The following AFF3 variants were observed in gnomAD, a reference collection of about 807,000 sequenced individuals.
The protein encoded by AFF3 is AF4/FMR2 family member 3.
In AFF3, 32 loss-of-function variants were observed where a neutral mutation model predicts 129.7. That is an observed-to-expected ratio of 0.25 (90% CI 0.19 to 0.33). AFF3 has a LOEUF of 0.33. Ranked by LOEUF, AFF3 falls within the 10% of genes least tolerant of loss-of-function variation. AFF3 has a pLI of 1.00. For missense variants in AFF3, 1,373 were observed against 1,592.0 expected (o/e 0.86, Z 2.34); for synonymous variants, 644 against 635.4 (o/e 1.01, Z -0.20).
Position 100,119,045 on chromosome 2 carries a change from G to A in AFF3, c.-145+10179C>T, listed in dbSNP as rs576011447. Among the ~76,000 whole-genome samples, 35 of 152,114 alleles carry A rather than the reference G, an allele frequency of 2.3e-4. No individual in the cohort carries two copies. In the East Asian group the frequency reaches 2.3e-3, roughly 10 times the overall value. On this transcript the variant is annotated intron_variant, in intron 2 of 24. Transcript: ENST00000672756. Reference sequence around the variant, plus strand: ...TGAACCCCCTGACCTCAGGTGATCCGCACACCTCGGCCCCCCGAAGTGCTG... The same window carrying A: ...TGAACCCCCTGACCTCAGGTGATCCACACACCTCGGCCCCCCGAAGTGCTG...
intron 7 of AFF3, among the ~76,000 whole-genome samples, chr2:99,978,128 G>A (rs1679058288): frequency 6.6e-6 from 1 of 152,184 alleles, no homozygotes; most frequent in African/African-American, 2.4e-5. Context: ...GGTTCAGGAG[G>A]AGAATTCCTA....
intron 4 of AFF3, among the ~76,000 whole-genome samples, chr2:100,059,130 G>A (rs1687031880): frequency 6.6e-6 from 1 of 151,864 alleles, no homozygotes; most frequent in South Asian, 2.1e-4. Context: ...GTGGGTGCCT[G>A]TAATCTCAGC....
intron 4 of AFF3, among the ~76,000 whole-genome samples, chr2:100,041,394 G>A (rs1173451195): frequency 6.6e-6 from 1 of 152,230 alleles, no homozygotes; most frequent in African/African-American, 2.4e-5. Context: ...GGAGTGCTAA[G>A]TCGCCTAATC....
At chr2:100,050,657 C>T (rs1168791133) in intron 4 of AFF3, among the ~76,000 whole-genome samples, 2 of 152,214 alleles carry the variant, frequency 1.3e-5, no homozygotes, top group African/African-American at 4.8e-5. Context: ...CAAAAACACA[C>T]TTTCTTAAAG....
intron 7 of AFF3, among the ~76,000 whole-genome samples, chr2:99,928,242 G>A (rs547682261): frequency 6.6e-6 from 1 of 152,324 alleles, no homozygotes; most frequent in East Asian, 1.9e-4. Flanking sequence ...TGGGGCAGAT[G>A]TACTAATATG....
intron 7 of AFF3, among the ~76,000 whole-genome samples, chr2:99,954,044 G>A (rs888828112): frequency 6.6e-6 from 1 of 152,180 alleles, no homozygotes; most frequent in African/African-American, 2.4e-5. Context: ...AAGTTGCCTT[G>A]TATACTTATT....
intron 10 of AFF3, among the ~76,000 whole-genome samples, chr2:99,735,928 T>C (rs1680216163): frequency 6.6e-6 from 1 of 152,258 alleles, no homozygotes; most frequent in African/African-American, 2.4e-5. Flanking sequence ...TCTTAATTTC[T>C]AAACATGTGT....
intron 7 of AFF3, among the ~76,000 whole-genome samples, chr2:99,924,099 C>A (rs985763885): frequency 6.6e-6 from 1 of 152,048 alleles, no homozygotes; most frequent in Non-Finnish European, 1.5e-5. Flanking sequence ...TTAAGCTATT[C>A]CCATGTTTAT....
chr2:99,658,642 C>T (rs927276884), intron 12 of AFF3, among the ~76,000 whole-genome samples: 1 of 151,956 alleles, frequency 6.6e-6, no homozygotes, highest in African/African-American at 2.4e-5. Context: ...TATTTTTGTC[C>T]AGTGCATTTA....
chr2:99,697,499 A>C (rs1676407721), intron 11 of AFF3, among the ~76,000 whole-genome samples: 2 of 152,272 alleles, frequency 1.3e-5, no homozygotes, highest in Non-Finnish European at 1.5e-5. Context: ...TATAGTGAGG[A>C]AGAGCAATTT....
chr2:99,615,041 A>G (rs1021949665), intron 13 of AFF3, among the ~76,000 whole-genome samples: 1 of 152,260 alleles, frequency 6.6e-6, no homozygotes, highest in South Asian at 2.1e-4. Flanking sequence ...TTTAATACTA[A>G]AAGTCCATCA....
chr2:99,870,099 T>C (rs1691760167), intron 7 of AFF3, among the ~76,000 whole-genome samples: 1 of 152,200 alleles, frequency 6.6e-6, no homozygotes, highest in South Asian at 2.1e-4. Context: ...TCAACACCAG[T>C]GTCTGAACTG....
intron 13 of AFF3, among the ~76,000 whole-genome samples, chr2:99,637,096 G>A (rs1048855818): frequency 3.9e-5 from 6 of 152,210 alleles, no homozygotes; most frequent in African/African-American, 1.4e-4. Context: ...AGTGGGTAGA[G>A]GGTGCTGGCC....
intron 1 of AFF3, among the ~76,000 whole-genome samples, chr2:100,138,665 C>T (rs1035822983): frequency 1.3e-5 from 2 of 152,210 alleles, no homozygotes; most frequent in East Asian, 1.9e-4. Flanking sequence ...ACCAGTAGGC[C>T]GGGTGCAGTG....
chr2:99,563,276 C>T (rs1469178565), intron 20 of AFF3, among the ~76,000 whole-genome samples: 90 of 151,732 alleles, frequency 5.9e-4, no homozygotes, highest in African/African-American at 1.8e-3. Context: ...CTGCGAGCTC[C>T]GCCTTCCAGG....
intron 2 of AFF3, among the ~76,000 whole-genome samples, chr2:100,124,941 A>G (rs1692123576): frequency 6.6e-6 from 1 of 152,194 alleles, no homozygotes; most frequent in Non-Finnish European, 1.5e-5. Context: ...CATGACCTTA[A>G]GACATATTAA....
intron 7 of AFF3, among the ~76,000 whole-genome samples, chr2:99,991,852 G>A (rs796864351): frequency 4.0e-5 from 6 of 151,758 alleles, no homozygotes; most frequent in African/African-American, 1.5e-4. Context: ...GCAGGGAGCC[G>A]AGATTGCGAC....
chr2:99,738,933 T>C (rs1351879559), intron 10 of AFF3, among the ~76,000 whole-genome samples: 1 of 151,952 alleles, frequency 6.6e-6, no homozygotes, highest in East Asian at 1.9e-4. Flanking sequence ...ATGTCATCTA[T>C]TTTTAAGGTC....
chr2:99,989,910 T>C (rs1409508604), intron 7 of AFF3, among the ~76,000 whole-genome samples: 1 of 152,254 alleles, frequency 6.6e-6, no homozygotes, highest in Non-Finnish European at 1.5e-5. Flanking sequence ...GTTATCTTTT[T>C]ATTTTTAATT....
Sources: gnomAD v4.1 joint callset for allele counts (sites outside exome capture counted in the v4.1 genomes callset) on GRCh38, gnomAD v4.1.1 for gene constraint, MANE v1.5 for transcripts, NCBI Gene and HGNC (gene_info 2026-07-23, HGNC 2026-07-21) for gene names.